Variants in KIRREL3 observed in about 807,000 individuals in gnomAD.
The protein encoded by KIRREL3 is kin of IRRE-like protein 3.
In KIRREL3, 36 loss-of-function variants were observed where a neutral mutation model predicts 89.7. The ratio of observed to expected loss-of-function variants is 0.40; its 90% CI spans 0.31 to 0.53. KIRREL3 has a LOEUF of 0.53. KIRREL3 is among the 20% of genes least tolerant of loss of function. The probability of loss-of-function intolerance (pLI) is 0.49; values close to 1 mark genes in which losing one functional copy is unlikely to be tolerated. For synonymous variants in KIRREL3, 445 were observed against 441.4 expected (o/e 1.01, Z -0.10); for missense variants, 864 against 1,056.6 (o/e 0.82, Z 2.53).
At chr11:126,588,237 C>T (rs1941964517) in intron 1 of KIRREL3, among the ~76,000 whole-genome samples, 1 of 152,212 alleles carries the variant, frequency 6.6e-6, no homozygotes, top group Non-Finnish European at 1.5e-5. Flanking sequence ...AAGTCTGGCT[C>T]TATCACTTAT....
At chr11:126,759,495 T>C (rs992262817) in intron 1 of KIRREL3, among the ~76,000 whole-genome samples, 25 of 152,322 alleles carry the variant, frequency 1.6e-4, no homozygotes, top group African/African-American at 5.5e-4. Context: ...TACAGAGAAA[T>C]GCATATATTC....
At chr11:126,855,946 C>T (rs1052530847) in intron 1 of KIRREL3, among the ~76,000 whole-genome samples, 5 of 152,208 alleles carry the variant, frequency 3.3e-5, no homozygotes, top group Admixed American at 6.5e-5. Context: ...GATTTGGAGG[C>T]ACCAAAAGGT....
chr11:126,803,209 A>AAAGT (rs541005104), intron 1 of KIRREL3, among the ~76,000 whole-genome samples: 47 of 152,298 alleles, frequency 3.1e-4, no homozygotes, highest in Middle Eastern at 6.8e-3. Context: ...ACTTCATAAG[A>AAAGT]AAGTGTGAGA....
At chr11:126,745,495 CA>C (rs66469913) in intron 1 of KIRREL3, among the ~76,000 whole-genome samples, 92,867 of 148,410 alleles carry the variant, frequency 0.63, 29,239 homozygotes, top group East Asian at 0.88. Context: ...AACAGAAAAA[CA>C]AAAAAAAAAA....
chr11:126,961,919 A>G (rs1402932749), intron 1 of KIRREL3, among the ~76,000 whole-genome samples: 5 of 152,222 alleles, frequency 3.3e-5, no homozygotes, highest in Non-Finnish European at 7.4e-5. Context: ...AGATTGGAAC[A>G]ATGAAGGCTG....
At chr11:126,939,744 T>C (rs1417146436) in intron 1 of KIRREL3, among the ~76,000 whole-genome samples, 1 of 152,226 alleles carries the variant, frequency 6.6e-6, no homozygotes, top group African/African-American at 2.4e-5. Context: ...TTTCCCTCTA[T>C]ATGATTGAGT....
At position 126,651,186 on chromosome 11, in the gene KIRREL3, G is replaced by A. The variant is rs917261360; in HGVS notation, c.56-88274C>T. On this transcript the variant is annotated intron_variant, in intron 1 of 16. Transcript: ENST00000525144. The surrounding 1 kb of genome is among the most constrained non-coding windows in gnomAD (Gnocchi z 4.6). ...ATATCAGAAAAGAACTGCAATCCAC[G>A]TCTAAATGAGAAAATGGTTCCTTGC... 2.6e-5 allele frequency among the ~76,000 whole-genome samples: 4 copies of A among 152,196 alleles called. No homozygotes were observed. The highest frequency in any genetic ancestry group is 4.4e-5 in the Non-Finnish European group (3 of 68,046).
rs1044681720 is a variant in KIRREL3 at position 126,703,708 on chromosome 11, G to A, written c.56-140796C>T. Among the ~76,000 whole-genome samples the A allele has an allele frequency of 2.0e-5, 3 of 152,184 alleles. No individual in the cohort carries two copies. Among genetic ancestry groups the A allele is most frequent in the African/African-American group, 7.2e-5 (3 of 41,456 alleles). On this transcript the variant is annotated intron_variant, in intron 1 of 16. Coordinates refer to ENST00000525144, the MANE Select transcript of KIRREL3 (RefSeq NM_032531.4). The surrounding 1 kb of genome is among the most constrained non-coding windows in gnomAD (Gnocchi z 4.6). ...CAGGGGAGGCAGGACTCCTAAGCCT[G>A]GGCCCTCTGACTGCCTGGGCCAGTG...
At chr11:126,789,421 T>A (rs1224888028) in intron 1 of KIRREL3, among the ~76,000 whole-genome samples, 1 of 152,124 alleles carries the variant, frequency 6.6e-6, no homozygotes, top group African/African-American at 2.4e-5. Context: ...TCCTGAAATC[T>A]CCCCTGGACC....
rs548751977 is a variant in KIRREL3, at chr11:126,462,665, C to T, written c.742+492G>A. On this transcript the variant is annotated intron_variant, in intron 6 of 16. Transcript: ENST00000525144. This position sits in a 1 kb window ranked among gnomAD's most constrained non-coding sequence, Gnocchi z 4.8. ...TGGGCAACAGAGTGAGACTCTGTCT[C>T]GAAAGAATAAAAAAAAGATTAAATG... Among the ~76,000 whole-genome samples the T allele has an allele frequency of 2.6e-4, 39 of 152,158 alleles. No individual in the cohort carries two copies. The highest frequency in any genetic ancestry group is 8.2e-4 in the African/African-American group (34 of 41,514).
rs534502445 is a variant in KIRREL3 at position 126,569,483 on chromosome 11, A to C, written c.56-6571T>G. ...TAAAGTCCAAGGCACAGACACTCGC[A>C]AAGAGGCCACTAAGTGCTGGGCACT... On this transcript the variant is annotated intron_variant, in intron 1 of 16. Transcript: ENST00000525144. This position sits in a 1 kb window ranked among gnomAD's most constrained non-coding sequence, Gnocchi z 6.5. 1.3e-5 allele frequency among the ~76,000 whole-genome samples: 2 copies of C among 152,356 alleles called. No homozygotes were observed. Among genetic ancestry groups the C allele is most frequent in the South Asian group, 4.1e-4 (2 of 4,832 alleles).
chr11:126,448,870 C>G, intron 8 of KIRREL3, 139 bp downstream of exon 8: 1 of 820,642 alleles, frequency 1.2e-6, no homozygotes, highest in Non-Finnish European at 1.7e-6. Context: ...AACCAGCTTT[C>G]GTCGAGTGCA....
At chr11:126,482,081 C>T (rs1284346331) in intron 4 of KIRREL3, among the ~76,000 whole-genome samples, 1 of 152,164 alleles carries the variant, frequency 6.6e-6, no homozygotes, top group Admixed American at 6.5e-5. Flanking sequence ...TCTTGTTGCC[C>T]AGGCTGGAGT....
rs185305405 is a variant in KIRREL3, at chr11:126,575,964, C to T, written c.56-13052G>A. Among the ~76,000 whole-genome samples, 7 of 152,260 alleles carry T rather than the reference C, an allele frequency of 4.6e-5. 2 individuals are homozygous for T. Among genetic ancestry groups the T allele is most frequent in the South Asian group, 4.1e-4 (2 of 4,826 alleles). Reference sequence around the variant, plus strand: ...TTGCTATGAGACTCCCTTATAGATGCGACCACGGTTTTGAATTTTTGCTCC... The same window carrying T: ...TTGCTATGAGACTCCCTTATAGATGTGACCACGGTTTTGAATTTTTGCTCC... On this transcript the variant is annotated intron_variant, in intron 1 of 16. Transcript: ENST00000525144. This position sits in a 1 kb window ranked among gnomAD's most constrained non-coding sequence, Gnocchi z 7.0.
Position 126,457,863 on chromosome 11 carries a change from A to G in KIRREL3, c.743-1409T>C, listed in dbSNP as rs116048135. 9.9e-3 allele frequency among the ~76,000 whole-genome samples: 1,505 copies of G among 152,236 alleles called. 32 individuals carry two copies. The highest frequency in any genetic ancestry group is 0.034 in the African/African-American group (1,392 of 41,548). On this transcript the variant is annotated intron_variant, in intron 6 of 16. Coordinates refer to ENST00000525144, the MANE Select transcript of KIRREL3 (RefSeq NM_032531.4). ...AGGAGGAGCAGACGCTGCAAGATGG[A>G]AAGATGGAAACAGCTCGAGGGGGCT...
intron 1 of KIRREL3, among the ~76,000 whole-genome samples, chr11:126,737,913 A>T (rs1018515948): frequency 1.3e-5 from 2 of 152,192 alleles, no homozygotes; most frequent in East Asian, 3.8e-4. Flanking sequence ...ATATACACTA[A>T]AATACTGTTA....
chr11:126,919,670 C>T (rs1185085004), intron 1 of KIRREL3, among the ~76,000 whole-genome samples: 1 of 152,198 alleles, frequency 6.6e-6, no homozygotes, highest in Non-Finnish European at 1.5e-5. Context: ...AGCTCTTGAA[C>T]TCACACAGTT....
At chr11:126,868,564 T>G (rs991234291) in intron 1 of KIRREL3, among the ~76,000 whole-genome samples, 1 of 152,226 alleles carries the variant, frequency 6.6e-6, no homozygotes, top group Admixed American at 6.5e-5. Flanking sequence ...TAAGCTCTGA[T>G]GCTTGCTCAG....
intron 7 of KIRREL3, among the ~76,000 whole-genome samples, chr11:126,449,712 G>C (rs1955956274): frequency 1.3e-5 from 2 of 152,218 alleles, no homozygotes; most frequent in South Asian, 2.1e-4. Context: ...CCAAACAGTG[G>C]AATACTAATA....
Sources: allele counts gnomAD v4.1 joint callset (sites outside exome capture counted in the v4.1 genomes callset), GRCh38; gene constraint gnomAD v4.1.1; non-coding constraint Gnocchi (gnomAD v3.1); transcripts MANE v1.5; gene names NCBI Gene and HGNC (gene_info 2026-07-23, HGNC 2026-07-21).